The following CFAP54 variants were observed in gnomAD, a reference collection of about 807,000 sequenced individuals.
The protein encoded by CFAP54 is cilia- and flagella-associated protein 54.
In CFAP54, 290 loss-of-function variants were observed where a neutral mutation model predicts 370.4. The ratio of observed to expected loss-of-function variants is 0.78; its 90% CI spans 0.71 to 0.86. The LOEUF is 0.86. Ranked by LOEUF, CFAP54 falls within the 40% of genes least tolerant of loss-of-function variation. The probability of loss-of-function intolerance (pLI) is 0.00; values close to 1 mark genes in which losing one functional copy is unlikely to be tolerated. For synonymous variants in CFAP54, 1,206 were observed against 1,236.5 expected (o/e 0.98, Z 0.52); for missense variants, 3,399 against 3,528.7 (o/e 0.96, Z 0.93).
intron 47 of CFAP54, among the ~76,000 whole-genome samples, chr12:96,707,080 T>C (rs541368988): frequency 1.3e-3 from 48 of 36,436 alleles, no homozygotes; most frequent in African/African-American, 0.012. Context: ...TTAAGAGGTA[T>C]AGGAGAAGAA....
chr12:96,722,770 C>T (rs1328766121), intron 50 of CFAP54, among the ~76,000 whole-genome samples: 1 of 152,048 alleles, frequency 6.6e-6, no homozygotes, highest in African/African-American at 2.4e-5. Flanking sequence ...TGTGATAGCA[C>T]TGGAGGTAAT....
intron 63 of CFAP54, among the ~76,000 whole-genome samples, chr12:96,793,413 C>CATAT (rs142543594): frequency 1.1e-4 from 17 of 151,950 alleles, no homozygotes; most frequent in Admixed American, 3.3e-4. Flanking sequence ...TGTATGTGTG[C>CATAT]ATATGTATAT....
At position 96,860,909 on chromosome 12, in the gene CFAP54, T is replaced by C. The variant is rs772897191; in HGVS notation, c.9262T>C (p.Phe3088Leu). Reference sequence around the variant, plus strand: ...TTGCATTTTATCAGGAGGAAGCCTTTTCAACTGGATAGTGTCAATTATTCC... The same window carrying C: ...TTGCATTTTATCAGGAGGAAGCCTTCTCAACTGGATAGTGTCAATTATTCC... ...NGCILSGGSL[F>L]NWIVSIIP Residue 3088 changes from phenylalanine (F) to leucine (L), a missense_variant, in exon 67 of 68, where the codon TTC (phenylalanine) becomes CTC (leucine). Transcript: ENST00000524981. 1.3e-6 allele frequency: 2 copies of C among 1,534,988 alleles called. No individual in the cohort carries two copies. The highest frequency in any genetic ancestry group is 2.4e-5 in the South Asian group (2 of 83,922).
At chr12:96,873,186 T>A (rs1960209530) in intron 67 of CFAP54, among the ~76,000 whole-genome samples, 1 of 152,158 alleles carries the variant, frequency 6.6e-6, no homozygotes, top group African/African-American at 2.4e-5. Flanking sequence ...CATGAGAACA[T>A]AAGTTTTGGG....
intron 17 of CFAP54, among the ~76,000 whole-genome samples, chr12:96,561,773 C>CTTTTTTTTTT (rs376442763): frequency 1.1e-5 from 1 of 94,852 alleles, no homozygotes; most frequent in Non-Finnish European, 1.9e-5. Flanking sequence ...ATCACAAGTT[C>CTTTTTTTTTT]TTTTTTTTTT....
At chr12:96,773,934 C>G (rs973792063) in intron 60 of CFAP54, among the ~76,000 whole-genome samples, 2 of 152,114 alleles carry the variant, frequency 1.3e-5, no homozygotes, top group Non-Finnish European at 2.9e-5. Flanking sequence ...TTGCCAAGAT[C>G]ATTCTAAAAA....
At position 96,875,137 on chromosome 12, in the gene CFAP54, TAAATC is replaced by T. The variant is rs1422878520; in HGVS notation, c.*37_*41del. 1.3e-5 allele frequency: 2 copies of T among 152,124 alleles called. No homozygotes were observed. Among genetic ancestry groups the T allele is most frequent in the Admixed American group, 6.5e-5 (1 of 15,280 alleles). 9.4% of individuals were successfully genotyped at this position (152,124 alleles called of 1,614,324 possible). On this transcript the variant is annotated 3_prime_UTR_variant, in exon 68 of 68. Coordinates refer to ENST00000524981, the MANE Select transcript of CFAP54 (RefSeq NM_001306084.2). ...CTCTAGGGATGATAAAACTGAGAAA[TAAATC>T]AAGAGTATGACAACAGACTGAGGAA...
chr12:96,719,609 A>G lies in CFAP54; in HGVS notation c.6805-796A>G, dbSNP rs375303685. Among the ~76,000 whole-genome samples the G allele has an allele frequency of 2.6e-5, 4 of 152,328 alleles. 1 individual carries two copies. Among genetic ancestry groups the G allele is most frequent in the East Asian group, 1.9e-4 (1 of 5,186 alleles). On this transcript the variant is annotated intron_variant, in intron 49 of 67. Transcript: ENST00000524981. The stretch of plus-strand genomic sequence containing the variant: ...AAATTTATTTGTAGCCTGAAAATCA[A>G]CACTCTTGGCACTCTGTTGGCTATT...
At chr12:96,554,488 G>T (rs544291049) in intron 16 of CFAP54, among the ~76,000 whole-genome samples, 178 bp downstream of exon 16, 1 of 152,252 alleles carries the variant, frequency 6.6e-6, no homozygotes, top group African/African-American at 2.4e-5. Context: ...ATTTGTTAAT[G>T]AAGAGGACAC....
chr12:96,821,163 G>A (rs1018675357), intron 65 of CFAP54, among the ~76,000 whole-genome samples: 2 of 152,134 alleles, frequency 1.3e-5, no homozygotes, highest in African/African-American at 4.8e-5. Context: ...GGAGAGATGG[G>A]CTCTTTGGGT....
intron 48 of CFAP54, 129 bp from the exon 49 acceptor site, chr12:96,718,314 G>C: frequency 1.7e-6 from 1 of 576,488 alleles, no homozygotes; most frequent in Non-Finnish European, 3.2e-6. Context: ...AGCTGAGATT[G>C]TGCCACTGTG....
At chr12:96,833,164 C>T (rs764063800) in intron 66 of CFAP54, among the ~76,000 whole-genome samples, 21 of 152,142 alleles carry the variant, frequency 1.4e-4, no homozygotes, top group Non-Finnish European at 2.6e-4. Flanking sequence ...ATGTCAATAA[C>T]CATTACATAT....
chr12:96,535,046 G>A (rs1241461936), intron 11 of CFAP54, among the ~76,000 whole-genome samples: 3 of 145,844 alleles, frequency 2.1e-5, no homozygotes, highest in African/African-American at 7.9e-5. Flanking sequence ...GTGTGTGTGT[G>A]TGTGTGTTTA....
At chr12:96,803,125 C>T (rs1268090314) in intron 63 of CFAP54, among the ~76,000 whole-genome samples, 3 of 152,068 alleles carry the variant, frequency 2.0e-5, no homozygotes, top group African/African-American at 7.2e-5. Context: ...GTAAATAGTG[C>T]CGCAATAAAC....
chr12:96,858,612 G>A (rs1171821735), intron 66 of CFAP54, among the ~76,000 whole-genome samples: 1 of 152,028 alleles, frequency 6.6e-6, no homozygotes, highest in Non-Finnish European at 1.5e-5. Context: ...TTCAGGGTTT[G>A]TATAGTGTTG....
At chr12:96,805,773 A>G (rs570562268) in intron 63 of CFAP54, among the ~76,000 whole-genome samples, 167 of 152,224 alleles carry the variant, frequency 1.1e-3, no homozygotes, top group African/African-American at 3.8e-3. Flanking sequence ...TATTATGTCA[A>G]AAAGATACCT....
intron 39 of CFAP54, among the ~76,000 whole-genome samples, chr12:96,665,232 A>G (rs190780625): frequency 6.6e-6 from 1 of 151,982 alleles, no homozygotes; most frequent in African/African-American, 2.4e-5. Context: ...TGTTGGATGC[A>G]TAGTTTGGAA....
chr12:96,771,479 C>G (rs529813866), intron 60 of CFAP54, among the ~76,000 whole-genome samples: 2 of 152,212 alleles, frequency 1.3e-5, no homozygotes, highest in East Asian at 1.9e-4. Context: ...GGTGAAACCC[C>G]GTCTCTACTA....
At chr12:96,601,112 T>C (rs1298449288) in intron 26 of CFAP54, among the ~76,000 whole-genome samples, 2 of 152,216 alleles carry the variant, frequency 1.3e-5, no homozygotes, top group Non-Finnish European at 2.9e-5. Context: ...ATAGCTCTTA[T>C]TATTTTGAGA....
Sources: gnomAD v4.1 joint callset for allele counts (sites outside exome capture counted in the v4.1 genomes callset) on GRCh38, gnomAD v4.1.1 for gene constraint, MANE v1.5 for transcripts, NCBI Gene and HGNC (gene_info 2026-07-23, HGNC 2026-07-21) for gene names.